UBE2G1: variants seen among roughly 807,000 people sequenced by gnomAD.
The protein encoded by UBE2G1 is ubiquitin-conjugating enzyme E2 G1.
Under a neutral mutation model 22.7 loss-of-function variants are expected in UBE2G1, and 5 were observed. That is an observed-to-expected ratio of 0.22 (90% confidence interval 0.12 to 0.46). UBE2G1 has a LOEUF of 0.46. Ranked by LOEUF, UBE2G1 falls within the 20% of genes least tolerant of loss-of-function variation. UBE2G1 has a pLI of 0.99. For missense variants in UBE2G1, 88 were observed against 203.9 expected (o/e 0.43, Z 3.46); for synonymous variants, 74 against 67.5 (o/e 1.10, Z -0.47).
At chr17:4,358,390 C>T (rs1260523591) in intron 1 of UBE2G1, among the ~76,000 whole-genome samples, 3 of 152,198 alleles carry the variant, frequency 2.0e-5, no homozygotes, top group African/African-American at 7.2e-5. Context: ...TCAAGCCTCC[C>T]TAGTAGCTGA....
At chr17:4,273,029 C>G (rs1315916261) in intron 5 of UBE2G1, among the ~76,000 whole-genome samples, 1 of 152,194 alleles carries the variant, frequency 6.6e-6, no homozygotes, top group East Asian at 1.9e-4. Flanking sequence ...ACTATAGCTC[C>G]CTTCAAACCC....
At chr17:4,291,217 G>C (rs988175399) in intron 3 of UBE2G1, among the ~76,000 whole-genome samples, 1 of 152,052 alleles carries the variant, frequency 6.6e-6, no homozygotes, top group Non-Finnish European at 1.5e-5. Context: ...AAAATTAGCT[G>C]GCTGTTGTGG....
chr17:4,296,120 C>T (rs1367748736), intron 3 of UBE2G1, among the ~76,000 whole-genome samples: 1 of 151,756 alleles, frequency 6.6e-6, no homozygotes, highest in African/African-American at 2.4e-5. Flanking sequence ...TCATCTAATA[C>T]CTTGATAATT....
intron 1 of UBE2G1, among the ~76,000 whole-genome samples, chr17:4,346,071 C>A (rs113069796): frequency 6.6e-6 from 1 of 152,200 alleles, no homozygotes; most frequent in Non-Finnish European, 1.5e-5. Flanking sequence ...AATTGCTAAA[C>A]AACTTCCTCT....
At chr17:4,302,338 T>A in intron 2 of UBE2G1, 1 of 481,966 alleles carries the variant, frequency 2.1e-6, no homozygotes, top group South Asian at 1.6e-5. Context: ...GTGTCCCACA[T>A]GATGCTGGCC....
intron 2 of UBE2G1, among the ~76,000 whole-genome samples, chr17:4,305,217 A>G (rs1969236725): frequency 6.6e-6 from 1 of 152,130 alleles, no homozygotes; most frequent in Non-Finnish European, 1.5e-5. Flanking sequence ...CGGCCTCGTG[A>G]GCCACTACGC....
At chr17:4,360,810 C>G (rs1280455599) in intron 1 of UBE2G1, among the ~76,000 whole-genome samples, 2 of 152,172 alleles carry the variant, frequency 1.3e-5, no homozygotes, top group Non-Finnish European at 2.9e-5. Flanking sequence ...ACTGGGGAGG[C>G]TGAGGTAGGA....
chr17:4,301,508 C>T (rs555534524), intron 2 of UBE2G1: 32 of 985,146 alleles, frequency 3.2e-5, no homozygotes, highest in Admixed American at 2.2e-4. Flanking sequence ...ATAAACGGAA[C>T]AGGCAGGTGA....
intron 2 of UBE2G1, among the ~76,000 whole-genome samples, chr17:4,300,985 A>T (rs555467915): frequency 6.6e-6 from 1 of 152,190 alleles, no homozygotes; most frequent in Non-Finnish European, 1.5e-5. Context: ...TTCACATTTG[A>T]AAGTGTTTAA....
At chr17:4,312,557 G>A (rs1284772420) in intron 1 of UBE2G1, among the ~76,000 whole-genome samples, 6 of 151,696 alleles carry the variant, frequency 4.0e-5, no homozygotes, top group African/African-American at 9.7e-5. Flanking sequence ...TTAGCCGGGC[G>A]TGGTGGCGGG....
In UBE2G1 at chr17:4,366,408, C is replaced by T; in HGVS notation, c.-92G>A. ...GCTGGAGCGGGGTGTGCCGAGGAAC[C>T]CGGGCCCCGCGACCGGAGCGCCGGA... On this transcript the variant is annotated 5_prime_UTR_variant, in exon 1 of 6. Coordinates refer to ENST00000396981, the MANE Select transcript of UBE2G1 (RefSeq NM_003342.5). 3 of 1,283,776 alleles carry T rather than the reference C, an allele frequency of 2.3e-6. No individual in the cohort carries two copies. The highest frequency in any genetic ancestry group is 2.0e-6 in the Non-Finnish European group (2 of 997,022). 79.5% of individuals were successfully genotyped at this position (1,283,776 alleles called of 1,614,324 possible).
intron 1 of UBE2G1, among the ~76,000 whole-genome samples, chr17:4,359,388 C>T (rs1020351367): frequency 6.6e-6 from 1 of 152,150 alleles, no homozygotes; most frequent in Non-Finnish European, 1.5e-5. Flanking sequence ...AGTCACTGGA[C>T]ATGGGTATAA....
At chr17:4,324,187 C>CT (rs1337092347) in intron 1 of UBE2G1, among the ~76,000 whole-genome samples, 2 of 152,246 alleles carry the variant, frequency 1.3e-5, no homozygotes, top group Non-Finnish European at 2.9e-5. Flanking sequence ...ATGACATACT[C>CT]TTGCCCCTCC....
At chr17:4,348,812 G>A (rs1969810846) in intron 1 of UBE2G1, among the ~76,000 whole-genome samples, 1 of 151,170 alleles carries the variant, frequency 6.6e-6, no homozygotes. Context: ...AGTCAGCTGA[G>A]ATTATGCCAC....
At chr17:4,356,046 CT>C (rs1345273661) in intron 1 of UBE2G1, among the ~76,000 whole-genome samples, 7 of 108,162 alleles carry the variant, frequency 6.5e-5, no homozygotes, top group African/African-American at 1.9e-4. Flanking sequence ...ACTTGTTTCA[CT>C]TTAAAAAAAA....
At chr17:4,311,152 A>G (rs1188386449) in intron 1 of UBE2G1, among the ~76,000 whole-genome samples, 1 of 152,154 alleles carries the variant, frequency 6.6e-6, no homozygotes, top group African/African-American at 2.4e-5. Context: ...ACTTGAGCCC[A>G]GGAGGCGGAG....
At chr17:4,351,728 C>CA (rs1369138984) in intron 1 of UBE2G1, among the ~76,000 whole-genome samples, 4 of 151,982 alleles carry the variant, frequency 2.6e-5, no homozygotes, top group East Asian at 3.9e-4. Context: ...CTGCTAAATA[C>CA]AAAAAAATAG....
At chr17:4,281,197 C>A (rs752566351) in intron 5 of UBE2G1, among the ~76,000 whole-genome samples, 5 of 152,136 alleles carry the variant, frequency 3.3e-5, no homozygotes, top group Non-Finnish European at 4.4e-5. Flanking sequence ...CGGTAATTTA[C>A]CCAGTGTAAT....
rs1969115573 is a variant in UBE2G1 at position 4,296,601 on chromosome 17, A to G, written c.247+116T>C. 4.9e-6 allele frequency: 5 copies of G among 1,018,934 alleles called. No individual in the cohort carries two copies. The East Asian group carries it at 1.2e-4, about 25-fold the overall frequency. The allele number at this position is 1,018,934 out of a possible 1,614,324, so 63.1% of individuals were successfully genotyped here. A position where few individuals can be genotyped will look rare whatever the true frequency, so the allele number is the denominator to read the frequency against. On this transcript the variant is annotated intron_variant, in intron 3 of 5. Coordinates refer to ENST00000396981, the MANE Select transcript of UBE2G1 (RefSeq NM_003342.5). ...GTACACAGCCATGTGCACAATGAAC[A>G]GTACAAAAATGCCAAAGCAATTTCA...
Sources: allele counts gnomAD v4.1 joint callset (sites outside exome capture counted in the v4.1 genomes callset), GRCh38; gene constraint gnomAD v4.1.1; transcripts MANE v1.5; gene names NCBI Gene and HGNC (gene_info 2026-07-23, HGNC 2026-07-21).